Variants in GNA12 observed in about 807,000 individuals in gnomAD.
GNA12 encodes the protein G protein subunit alpha 12, also known as guanine nucleotide-binding protein subunit alpha-12.
In GNA12, 9 loss-of-function variants were observed where a neutral mutation model predicts 26.0. The ratio of observed to expected loss-of-function variants is 0.35; its 90% CI spans 0.21 to 0.60. GNA12 has a LOEUF of 0.60. Ranked by LOEUF, GNA12 falls within the 20% of genes least tolerant of loss-of-function variation. The probability of loss-of-function intolerance (pLI) is 0.78; values close to 1 mark genes in which losing one functional copy is unlikely to be tolerated. For missense variants in GNA12, 405 were observed against 525.8 expected (o/e 0.77, Z 2.25); for synonymous variants, 264 against 219.6 (o/e 1.20, Z -1.79).
chr7:2,734,817 G>A (rs558099167), intron 2 of GNA12, among the ~76,000 whole-genome samples: 5 of 152,266 alleles, frequency 3.3e-5, no homozygotes, highest in East Asian at 1.9e-4. Context: ...AGGACGGGGC[G>A]AGCACGTGCA....
intron 2 of GNA12, among the ~76,000 whole-genome samples, chr7:2,767,863 A>G (rs1479768161): frequency 1.3e-5 from 2 of 152,094 alleles, no homozygotes; most frequent in Admixed American, 1.3e-4. Context: ...ATTTTATTTT[A>G]TTTTAGTTTT....
chr7:2,737,274 GTTTTTTTTTT>G (rs1041056812), intron 2 of GNA12, among the ~76,000 whole-genome samples: 2 of 35,032 alleles, frequency 5.7e-5, no homozygotes, highest in African/African-American at 2.0e-4. Flanking sequence ...GTTTTGTTTT[GTTTTTTTTTT>G]TTTTGTTTTT....
chr7:2,763,039 G>C (rs565030742), intron 2 of GNA12: 2 of 1,250,090 alleles, frequency 1.6e-6, no homozygotes, highest in East Asian at 3.1e-5. Flanking sequence ...AGGACTCAGC[G>C]TGCCGTTCCT....
chr7:2,779,556 G>A (rs377567339), intron 2 of GNA12, among the ~76,000 whole-genome samples: 1 of 151,632 alleles, frequency 6.6e-6, no homozygotes, highest in Non-Finnish European at 1.5e-5. Flanking sequence ...CTCTAAAATT[G>A]TTCTCATGGC....
rs1224746523 is a variant in GNA12 at position 2,736,735 on chromosome 7, GAC to G, written c.526-3236_526-3235del. On this transcript the variant is annotated intron_variant, in intron 2 of 3. Coordinates refer to ENST00000275364, the MANE Select transcript of GNA12 (RefSeq NM_007353.3). ...TCACCCACACCTCCGGTGGGAGAAA[GAC>G]ACACGCTCGGCTTGCTGCCGCTCAG... Among the ~76,000 whole-genome samples, 10 of 152,328 alleles carry G rather than the reference GAC, an allele frequency of 6.6e-5. No individual in the cohort carries two copies. The East Asian group carries it at 9.6e-4, about 15-fold the overall frequency.
intron 1 of GNA12, among the ~76,000 whole-genome samples, chr7:2,817,362 C>T (rs914794494): frequency 1.3e-5 from 2 of 152,194 alleles, no homozygotes; most frequent in African/African-American, 4.8e-5. Context: ...CCACCCCTGC[C>T]TCGGCCTCCC....
At chr7:2,767,026 T>G (rs1407903166) in intron 2 of GNA12, among the ~76,000 whole-genome samples, 1 of 152,266 alleles carries the variant, frequency 6.6e-6, no homozygotes, top group Non-Finnish European at 1.5e-5. Flanking sequence ...GATGGCCACT[T>G]GCTTATCCTC....
chr7:2,790,660 A>G (rs745504491), intron 2 of GNA12, among the ~76,000 whole-genome samples: 3 of 152,228 alleles, frequency 2.0e-5, no homozygotes, highest in African/African-American at 4.8e-5. Flanking sequence ...CTAATTAACT[A>G]GATCCTAAAA....
At chr7:2,771,328 C>G (rs1562419923) in intron 2 of GNA12, among the ~76,000 whole-genome samples, 1 of 152,054 alleles carries the variant, frequency 6.6e-6, no homozygotes, top group Non-Finnish European at 1.5e-5. Flanking sequence ...AACGAAACCG[C>G]ACATAGTGAA....
At chr7:2,771,002 A>G (rs1373870246) in intron 2 of GNA12, among the ~76,000 whole-genome samples, 1 of 152,128 alleles carries the variant, frequency 6.6e-6, no homozygotes, top group African/African-American at 2.4e-5. Flanking sequence ...ATTAAAATCA[A>G]AGAAAAGGCC....
Position 2,731,141 on chromosome 7 carries a change from G to T in GNA12, c.*40C>A. On this transcript the variant is annotated 3_prime_UTR_variant, in exon 4 of 4. Coordinates refer to ENST00000275364, the MANE Select transcript of GNA12 (RefSeq NM_007353.3). This position sits in a 1 kb window ranked among gnomAD's most constrained non-coding sequence, Gnocchi z 6.0. ...ACCCAAGAGTCTGACCGACAGCCGTGGGGGCTGCTCAACGACGACAAACCC... is the reference window on the plus strand; with the variant it reads ...ACCCAAGAGTCTGACCGACAGCCGTTGGGGCTGCTCAACGACGACAAACCC... 1 of 1,389,062 alleles carries T rather than the reference G, an allele frequency of 7.2e-7. No individual in the cohort carries two copies. Among genetic ancestry groups the T allele is most frequent in the South Asian group, 1.2e-5 (1 of 80,318 alleles). 86.0% of individuals were successfully genotyped at this position (1,389,062 alleles called of 1,614,324 possible). A position where few individuals can be genotyped will look rare whatever the true frequency, so the allele number is the denominator to read the frequency against.
chr7:2,786,622 G>A (rs1792368036), intron 2 of GNA12, among the ~76,000 whole-genome samples: 1 of 152,194 alleles, frequency 6.6e-6, no homozygotes, highest in South Asian at 2.1e-4. Flanking sequence ...GCTGAGGTAT[G>A]GGGAAAATCC....
At chr7:2,751,245 G>GTA (rs1330767144) in intron 2 of GNA12, among the ~76,000 whole-genome samples, 2 of 152,054 alleles carry the variant, frequency 1.3e-5, no homozygotes, top group Non-Finnish European at 2.9e-5. Context: ...AGTTAGCCGA[G>GTA]TATGTTGGCA....
At chr7:2,802,046 A>G (rs956129601) in intron 1 of GNA12, among the ~76,000 whole-genome samples, 10 of 152,190 alleles carry the variant, frequency 6.6e-5, no homozygotes, top group African/African-American at 2.2e-4. Flanking sequence ...TTTTCCAATG[A>G]AAGACCAATT....
At chr7:2,732,662 G>A (rs982880962) in intron 3 of GNA12, among the ~76,000 whole-genome samples, 7 of 152,160 alleles carry the variant, frequency 4.6e-5, no homozygotes, top group Non-Finnish European at 5.9e-5. Context: ...ATCATGCCTC[G>A]ATCTAGAGGT....
intron 1 of GNA12, among the ~76,000 whole-genome samples, chr7:2,817,365 G>A (rs1041928587): frequency 1.3e-5 from 2 of 151,974 alleles, no homozygotes; most frequent in African/African-American, 4.8e-5. Flanking sequence ...CCCCTGCCTC[G>A]GCCTCCCAAA....
In GNA12 at chr7:2,731,117, C is replaced by T. The variant is rs573112084; in HGVS notation, c.*64G>A. On this transcript the variant is annotated 3_prime_UTR_variant, in exon 4 of 4. Coordinates refer to ENST00000275364, the MANE Select transcript of GNA12 (RefSeq NM_007353.3). This position sits in a 1 kb window ranked among gnomAD's most constrained non-coding sequence, Gnocchi z 6.0. ...TCAAGGACCACACAGACAACACACA[C>T]CCAAGAGTCTGACCGACAGCCGTGG... 7.2e-5 allele frequency: 80 copies of T among 1,116,396 alleles called. No individual in the cohort carries two copies. The African/African-American group carries it at 1.1e-3, about 16-fold the overall frequency. 69.2% of individuals were successfully genotyped at this position (1,116,396 alleles called of 1,614,324 possible). A position where few individuals can be genotyped will look rare whatever the true frequency, so the allele number is the denominator to read the frequency against.
At chr7:2,839,707 T>C (rs1204290035) in intron 1 of GNA12, among the ~76,000 whole-genome samples, 4 of 152,012 alleles carry the variant, frequency 2.6e-5, no homozygotes, top group Admixed American at 6.6e-5. Flanking sequence ...AATGACAAAA[T>C]TATCGAATTA....
At chr7:2,805,805 G>A (rs976397120) in intron 1 of GNA12, among the ~76,000 whole-genome samples, 2 of 152,150 alleles carry the variant, frequency 1.3e-5, no homozygotes, top group Non-Finnish European at 2.9e-5. Context: ...AATATCTCCA[G>A]ACACTGAAAA....
Sources: allele counts gnomAD v4.1 joint callset (sites outside exome capture counted in the v4.1 genomes callset), GRCh38; gene constraint gnomAD v4.1.1; non-coding constraint Gnocchi (gnomAD v3.1); transcripts MANE v1.5; gene names NCBI Gene and HGNC (gene_info 2026-07-23, HGNC 2026-07-21).